Variants in CRB2 observed in about 807,000 individuals in gnomAD.
The protein encoded by CRB2 is crumbs cell polarity complex component 2, also known as protein crumbs homolog 2.
CRB2 carries 85 observed loss-of-function variants against 110.9 expected under a neutral mutation model. That is an observed-to-expected ratio of 0.77 (90% confidence interval 0.64 to 0.92). CRB2 has a LOEUF of 0.92. Among genes scored for constraint, CRB2 ranks in the 40% least tolerant of loss-of-function variants. The probability of loss-of-function intolerance (pLI) is 0.00; values close to 1 mark genes in which losing one functional copy is unlikely to be tolerated. For missense variants in CRB2, 1,843 were observed against 1,851.3 expected, an observed-to-expected ratio of 1.00 and a Z score of 0.08; for synonymous variants, 907 against 831.0, an observed-to-expected ratio of 1.09 and a Z score of -1.57.
chr9:123,361,137 A>AGGGGGGGGGGG (rs1554781920), intron 1 of CRB2, among the ~76,000 whole-genome samples: 36 of 53,568 alleles, frequency 6.7e-4, no homozygotes, highest in Non-Finnish European at 1.8e-3. Context: ...ATGGGCGGGG[A>AGGGGGGGGGGG]GGGGGGGGGG....
downstream of CRB2, among the ~76,000 whole-genome samples, chr9:123,379,236 G>T (rs1035687954): frequency 2.6e-5 from 4 of 152,254 alleles, no homozygotes; most frequent in East Asian, 7.7e-4. Flanking sequence ...GTGGTCGATT[G>T]GTCTGCATTC....
intron 10 of CRB2, 91 bp downstream of exon 10, chr9:123,374,011 TC>T: frequency 6.8e-7 from 1 of 1,470,826 alleles, no homozygotes; most frequent in Non-Finnish European, 9.3e-7. Flanking sequence ...ATGAGTCGCT[TC>T]CCTTCCCTGG....
Position 123,362,898 on chromosome 9 carries a change from C to T in CRB2, c.128C>T (p.Ala43Val). Residue 43 changes from alanine to valine, a missense_variant, in exon 2 of 13, where the codon GCC (alanine) becomes GTC (valine). Coordinates refer to ENST00000373631, the MANE Select transcript of CRB2 (RefSeq NM_173689.7). ...CCTTCAGAGCCCCCCAGTGCCTGTG[C>T]CTCAGACCCGTGCGCTCCAGGGACC... Reference protein sequence around the residue: ...TVPSEPPSACASDPCAPGTEC... With the variant: ...TVPSEPPSACVSDPCAPGTEC... 6.3e-7 allele frequency: 1 copy of T among 1,594,632 alleles called. No individual in the cohort carries two copies.
intron 10 of CRB2, 141 bp downstream of exon 10, chr9:123,374,061 A>C: frequency 9.3e-7 from 1 of 1,072,306 alleles, no homozygotes; most frequent in Admixed American, 2.0e-5. Flanking sequence ...AGGACAGTTT[A>C]ATTTGATAAA....
At chr9:123,366,187 G>A (rs2041928621) in intron 3 of CRB2, 40 bp from the exon 4 acceptor site, 2 of 1,384,776 alleles carry the variant, frequency 1.4e-6, no homozygotes, top group Non-Finnish European at 1.9e-6. Context: ...GGGCAGAAGG[G>A]GCAGGCGCGC....
downstream of CRB2, chr9:123,378,805 G>GTTTTTTTTGTTTTTTTTT: frequency 9.9e-6 from 1 of 100,982 alleles, no homozygotes; most frequent in Non-Finnish European, 1.8e-5. Flanking sequence ...CCTGTTTTTT[G>GTTTTTTTTGTTTTTTTTT]TTTTTTTTTT....
chr9:123,356,221 C>T lies in CRB2; in HGVS notation c.-40C>T, dbSNP rs1434233186. 2.9e-5 allele frequency: 40 copies of T among 1,367,950 alleles called. No individual in the cohort carries two copies. The highest frequency in any genetic ancestry group is 6.1e-5 in the South Asian group (4 of 65,920). 84.7% of individuals were successfully genotyped at this position (1,367,950 alleles called of 1,614,324 possible). ...TGCGGAGCCAGCCAGGCCGCCCTCC[C>T]GTTCTCACAGCAGCCGAGCAGAGCG... On this transcript the variant is annotated 5_prime_UTR_variant, in exon 1 of 13. Coordinates refer to ENST00000373631, the MANE Select transcript of CRB2 (RefSeq NM_173689.7).
At position 123,370,957 on chromosome 9, in the gene CRB2, A is replaced by G; in HGVS notation, c.1904A>G (p.His635Arg). 1 of 1,608,242 alleles carries G rather than the reference A, an allele frequency of 6.2e-7. No homozygotes were observed. Among genetic ancestry groups the G allele is most frequent in the East Asian group, 2.2e-5 (1 of 44,734 alleles). Residue 635 changes from histidine to arginine, a missense_variant, in exon 7 of 13, where the codon CAT (histidine) becomes CGT (arginine). Physicochemically the swap from His to Arg is conservative, Grantham distance 29. Coordinates refer to ENST00000373631, the MANE Select transcript of CRB2 (RefSeq NM_173689.7). ...THFRCDCARPHRGPTCADEIP... is the reference protein window; with the variant it reads ...THFRCDCARPRRGPTCADEIP... ...TTCCGTTGCGACTGTGCCCGGCCCC[A>G]TAGAGGTCCCACGTGCGCTGATGGT...
intron 1 of CRB2, among the ~76,000 whole-genome samples, chr9:123,359,922 G>A (rs1285248179): frequency 6.6e-6 from 1 of 151,952 alleles, no homozygotes; most frequent in African/African-American, 2.4e-5. Context: ...ATTGGAAGCT[G>A]TATTCCTGTG....
rs750227933 is a variant in CRB2, at chr9:123,362,971, G to T, written c.201G>T (p.Glu67Asp). Residue 67 changes from glutamate to aspartate, a missense_variant, in exon 2 of 13, where the codon GAG becomes GAT. Physicochemically the swap from Glu to Asp is conservative, Grantham distance 45 (BLOSUM62 2). Transcript: ENST00000373631. ...ESGGYTCGPMEPRGCATQPCH... is the reference protein window; with the variant it reads ...ESGGYTCGPMDPRGCATQPCH... Reference sequence around the variant, plus strand: ...GTGGCTATACCTGTGGGCCCATGGAGCCCCGGGGCTGTGCCACCCAGCCAT... The same window carrying T: ...GTGGCTATACCTGTGGGCCCATGGATCCCCGGGGCTGTGCCACCCAGCCAT... 44 of 1,611,814 alleles carry T rather than the reference G, an allele frequency of 2.7e-5. No homozygotes were observed. The highest frequency in any genetic ancestry group is 3.6e-5 in the Non-Finnish European group (42 of 1,179,214).
chr9:123,357,593 C>T (rs1309683424), intron 1 of CRB2, among the ~76,000 whole-genome samples: 4 of 151,038 alleles, frequency 2.6e-5, no homozygotes, highest in East Asian at 3.9e-4. Context: ...TGCTGGCAGG[C>T]GACTTGGGCT....
At position 123,373,719 on chromosome 9, in the gene CRB2, C is replaced by T. The variant is rs924370404; in HGVS notation, c.3188C>T (p.Ser1063Leu). 20 of 1,560,122 alleles carry T rather than the reference C, an allele frequency of 1.3e-5. No homozygotes were observed. The highest frequency in any genetic ancestry group is 1.6e-5 in the Non-Finnish European group (19 of 1,164,008). The change falls in exon 10 of 13, where the codon TCG becomes TTG. Residue 1063 changes from serine to leucine, a missense_variant. Coordinates refer to ENST00000373631, the MANE Select transcript of CRB2 (RefSeq NM_173689.7). ...GCRGAPVCAP[S>L]PCLHDGACRD... ...CGCGGCGCGCCCGTGTGTGCGCCCT[C>T]GCCCTGTCTGCACGACGGTGCCTGC...
chr9:123,366,187 G>C, intron 3 of CRB2, 40 bp from the exon 4 acceptor site: 43 of 1,384,776 alleles, frequency 3.1e-5, no homozygotes, highest in Non-Finnish European at 3.9e-5. Flanking sequence ...GGGCAGAAGG[G>C]GCAGGCGCGC....
intron 12 of CRB2, among the ~76,000 whole-genome samples, chr9:123,375,653 T>C (rs2042092109): frequency 6.6e-6 from 1 of 152,182 alleles, no homozygotes; most frequent in Non-Finnish European, 1.5e-5. Context: ...CAACCAGGAC[T>C]CAGGGCCATG....
At chr9:123,370,080 C>T (rs1421885656) in intron 6 of CRB2, 28 bp from the exon 7 acceptor site, 1 of 1,559,678 alleles carries the variant, frequency 6.4e-7, no homozygotes, top group South Asian at 1.2e-5. Context: ...CCAGACATTA[C>T]TGAACCTTGG....
In CRB2 at chr9:123,369,329, C is replaced by T. The variant is rs532848777; in HGVS notation, c.1055-779C>T. Among the ~76,000 whole-genome samples the T allele has an allele frequency of 1.1e-3, 169 of 152,320 alleles. No homozygotes were observed. The Middle Eastern group carries it at 0.027, about 25-fold the overall frequency. ...CATAAAAGCCATGTCAGGCCCTTTG[C>T]TGGGCACCAAGGACATATTCAGGTC... On this transcript the variant is annotated intron_variant, in intron 6 of 12. Coordinates refer to ENST00000373631, the MANE Select transcript of CRB2 (RefSeq NM_173689.7).
At chr9:123,364,409 T>C (rs997300413) in intron 2 of CRB2, among the ~76,000 whole-genome samples, 7 of 77,684 alleles carry the variant, frequency 9.0e-5, no homozygotes, top group Non-Finnish European at 1.5e-4. Context: ...ACTCACACAC[T>C]TCGGGTGACT....
chr9:123,360,904 GCTCCTTCC>G (rs2041859390), intron 1 of CRB2, among the ~76,000 whole-genome samples: 1 of 152,184 alleles, frequency 6.6e-6, no homozygotes, highest in African/African-American at 2.4e-5. Flanking sequence ...AGGACGGGCA[GCTCCTTCC>G]CTTCCTGCCT....
At position 123,367,795 on chromosome 9, in the gene CRB2, GA is replaced by G. The variant is rs1588211062; in HGVS notation, c.1054+110del. The G allele has an allele frequency of 1.3e-4, 103 of 769,782 alleles. 1 individual carries two copies. The East Asian group carries it at 2.8e-3, about 21-fold the overall frequency. 47.7% of individuals were successfully genotyped at this position (769,782 alleles called of 1,614,324 possible). A position where few individuals can be genotyped will look rare whatever the true frequency, so the allele number is the denominator to read the frequency against. On this transcript the variant is annotated intron_variant, in intron 6 of 12. Coordinates refer to ENST00000373631, the MANE Select transcript of CRB2 (RefSeq NM_173689.7). ...TGATGGGGTCAAGGAGATCAGGGAG[GA>G]GGTGGGTATGGTGGCCCAGGTGACC...
Sources: allele counts gnomAD v4.1 joint callset (sites outside exome capture counted in the v4.1 genomes callset), GRCh38; gene constraint gnomAD v4.1.1; transcripts MANE v1.5; gene names NCBI Gene and HGNC (gene_info 2026-07-23, HGNC 2026-07-21).